EPB41: variants seen among roughly 807,000 people sequenced by gnomAD.
EPB41 encodes erythrocyte membrane protein band 4.1, also known as protein 4.1.
Under a neutral mutation model 108.0 loss-of-function variants are expected in EPB41, and 65 were observed. The ratio of observed to expected loss-of-function variants is 0.60; its 90% CI spans 0.49 to 0.74. EPB41 has a LOEUF of 0.74. Among genes scored for constraint, EPB41 ranks in the 30% least tolerant of loss-of-function variants. The pLI, the probability that EPB41 is intolerant of heterozygous loss-of-function variation, is 0.00. For synonymous variants in EPB41, 336 were observed against 358.9 expected (o/e 0.94, Z 0.72); for missense variants, 875 against 1,037.0 (o/e 0.84, Z 2.15).
At chr1:28,935,474 CCCCCCCAAGATCT>C (rs2093980397) in intron 1 of EPB41, among the ~76,000 whole-genome samples, 1 of 90,000 alleles carries the variant, frequency 1.1e-5, no homozygotes, top group African/African-American at 4.0e-5. Flanking sequence ...CACACCCCCC[CCCCCCCAAGATCT>C]ACGCACTAAC....
intron 1 of EPB41, among the ~76,000 whole-genome samples, chr1:28,945,559 A>G (rs1302463775): frequency 6.6e-6 from 1 of 152,238 alleles, no homozygotes; most frequent in East Asian, 1.9e-4. Flanking sequence ...AAGGGAAAAA[A>G]AGGAGTTTCA....
At chr1:28,965,075 A>G (rs978055708) in intron 1 of EPB41, among the ~76,000 whole-genome samples, 8 of 152,050 alleles carry the variant, frequency 5.3e-5, no homozygotes, top group Non-Finnish European at 1.2e-4. Flanking sequence ...CTTGGCTCTT[A>G]TCTTGGTGCC....
At chr1:28,954,279 A>G (rs1202937423) in intron 1 of EPB41, among the ~76,000 whole-genome samples, 1 of 152,218 alleles carries the variant, frequency 6.6e-6, no homozygotes, top group African/African-American at 2.4e-5. Context: ...GTAGAGGGCA[A>G]AGTAAAAGAA....
intron 1 of EPB41, among the ~76,000 whole-genome samples, chr1:28,906,780 C>CT (rs780439196): frequency 0.17 from 24,881 of 143,910 alleles, 2,655 homozygotes; most frequent in East Asian, 0.47. Flanking sequence ...CTTTTTTTTT[C>CT]TTTTTTTTTT....
chr1:28,914,248 C>T (rs1190056872), upstream of EPB41, among the ~76,000 whole-genome samples: 1 of 152,260 alleles, frequency 6.6e-6, no homozygotes, highest in Non-Finnish European at 1.5e-5. Flanking sequence ...CTAGCTGCCT[C>T]ATGCCCCACG....
intron 10 of EPB41, 70 bp downstream of exon 10, chr1:29,035,993 A>G (rs563342194): frequency 8.2e-7 from 1 of 1,222,382 alleles, no homozygotes; most frequent in East Asian, 2.4e-5. Context: ...GCCTGCTATT[A>G]AAATTCCTTT....
At chr1:28,925,365 C>G (rs1364242341) in intron 1 of EPB41, among the ~76,000 whole-genome samples, 1 of 152,024 alleles carries the variant, frequency 6.6e-6, no homozygotes, top group East Asian at 1.9e-4. Flanking sequence ...CTTGCCTTGG[C>G]CTCCTAAAGT....
At chr1:28,969,462 A>T (rs760938673) in intron 1 of EPB41, among the ~76,000 whole-genome samples, 1 of 152,128 alleles carries the variant, frequency 6.6e-6, no homozygotes, top group Non-Finnish European at 1.5e-5. Context: ...CTCTTTTCTC[A>T]GCATAAAAAC....
intron 1 of EPB41, among the ~76,000 whole-genome samples, chr1:28,899,160 C>G (rs1297770213): frequency 6.6e-6 from 1 of 152,200 alleles, no homozygotes; most frequent in African/African-American, 2.4e-5. Context: ...GTGCAGTGGC[C>G]TTGGCTGTCA....
At chr1:28,950,010 T>C (rs2094645751) in intron 1 of EPB41, among the ~76,000 whole-genome samples, 1 of 152,234 alleles carries the variant, frequency 6.6e-6, no homozygotes, top group Non-Finnish European at 1.5e-5. Flanking sequence ...ATAATTAATT[T>C]ATCCATTTTC....
chr1:28,999,104 C>T (rs2096245242), intron 4 of EPB41, among the ~76,000 whole-genome samples: 1 of 152,188 alleles, frequency 6.6e-6, no homozygotes, highest in African/African-American at 2.4e-5. Flanking sequence ...GGTGTGGTGG[C>T]TCACGCCTGT....
At chr1:29,112,228 TG>T in intron 18 of EPB41, 139 bp from the exon 19 acceptor site, 2 of 688,276 alleles carry the variant, frequency 2.9e-6, no homozygotes, top group South Asian at 3.2e-5. Flanking sequence ...CTCAAACTCC[TG>T]GCCGCAAGCA....
intron 1 of EPB41, among the ~76,000 whole-genome samples, chr1:28,944,818 T>G (rs1281499682): frequency 2.6e-5 from 4 of 151,020 alleles, no homozygotes; most frequent in African/African-American, 4.9e-5. Context: ...TACAGGTGTG[T>G]AATGTAATGC....
chr1:29,011,884 A>G lies in EPB41; in HGVS notation c.806A>G (p.Lys269Arg). 6.2e-7 allele frequency: 1 copy of G among 1,614,154 alleles called. No individual in the cohort carries two copies. The highest frequency in any genetic ancestry group is 8.5e-7 in the Non-Finnish European group (1 of 1,179,986). Residue 269 changes from lysine to arginine, a missense_variant, in exon 5 of 21, where the codon AAA (lysine) becomes AGA (arginine). By Grantham distance (26) the Lys-to-Arg change is conservative. Transcript: ENST00000343067. ...ATSKTWLDSA[K>R]EIKKQVRGVP... Reference sequence around the variant, plus strand: ...TTACAGACATGGCTGGATTCCGCCAAAGAAATAAAAAAGCAGGTTCGTGGT... The same window carrying G: ...TTACAGACATGGCTGGATTCCGCCAGAGAAATAAAAAAGCAGGTTCGTGGT...
At chr1:28,979,808 A>G (rs1361135606) in intron 1 of EPB41, among the ~76,000 whole-genome samples, 2 of 152,156 alleles carry the variant, frequency 1.3e-5, no homozygotes, top group African/African-American at 4.8e-5. Flanking sequence ...TAGTGACTGG[A>G]AAAAGTGAAA....
At position 29,018,336 on chromosome 1, in the gene EPB41, T is replaced by C; in HGVS notation, c.1018T>C (p.Tyr340His). 6.2e-7 allele frequency: 1 copy of C among 1,614,154 alleles called. No individual in the cohort carries two copies. Among genetic ancestry groups the C allele is most frequent in the Non-Finnish European group, 8.5e-7 (1 of 1,180,032 alleles). ...SYTIQSELGD[Y>H]DPELHGVDYV... ...CACCATCCAGTCTGAACTGGGAGAC[T>C]ACGACCCAGAACTCCATGGCGTGGA... The change falls in exon 7 of 21, where the codon TAC becomes CAC. Residue 340 changes from tyrosine (Y) to histidine (H), a missense_variant. By Grantham distance (83) the Tyr-to-His change is moderately conservative. Coordinates refer to ENST00000343067, the MANE Select transcript of EPB41 (RefSeq NM_001376013.1). The surrounding 1 kb of genome is among the most constrained non-coding windows in gnomAD (Gnocchi z 4.4).
At chr1:28,999,934 C>T (rs2096263308) in intron 4 of EPB41, among the ~76,000 whole-genome samples, 2 of 152,108 alleles carry the variant, frequency 1.3e-5, no homozygotes. Context: ...CAGGCACGCA[C>T]CACCATGCTT....
intron 16 of EPB41, chr1:29,070,478 A>G: frequency 2.4e-6 from 3 of 1,232,180 alleles, no homozygotes; most frequent in Non-Finnish European, 3.0e-6. Flanking sequence ...CAAGGTTTCT[A>G]TTCCAATCCC....
intron 1 of EPB41, chr1:28,891,050 T>A: frequency 2.1e-6 from 2 of 941,908 alleles, no homozygotes; most frequent in Non-Finnish European, 2.5e-6. Context: ...AACCTCCAGG[T>A]CAGCCAGGGC....
Sources: allele counts gnomAD v4.1 joint callset (sites outside exome capture counted in the v4.1 genomes callset), GRCh38; gene constraint gnomAD v4.1.1; non-coding constraint Gnocchi (gnomAD v3.1); transcripts MANE v1.5; gene names NCBI Gene and HGNC (gene_info 2026-07-23, HGNC 2026-07-21).